The following RB1 variants were observed in gnomAD, a reference collection of about 807,000 sequenced individuals.
RB1 encodes RB transcriptional corepressor 1, also known as retinoblastoma-associated protein.
Under a neutral mutation model 135.4 loss-of-function variants are expected in RB1, and 18 were observed. The ratio of observed to expected loss-of-function variants is 0.13; its 90% CI spans 0.09 to 0.20. RB1 has a LOEUF of 0.20. Among genes scored for constraint, RB1 ranks in the 10% least tolerant of loss-of-function variants. RB1 has a pLI of 1.00. For synonymous variants in RB1, 365 were observed against 373.2 expected, an observed-to-expected ratio of 0.98 and a Z score of 0.25; for missense variants, 868 against 1,110.0, an observed-to-expected ratio of 0.78 and a Z score of 3.10.
chr13:48,331,364 A>G (rs1287036777), intron 2 of RB1, among the ~76,000 whole-genome samples: 1 of 152,220 alleles, frequency 6.6e-6, no homozygotes. Context: ...CTTAATTCCC[A>G]ATATGGTAGT....
At chr13:48,313,989 T>TCGCC (rs1952157510) in intron 2 of RB1, among the ~76,000 whole-genome samples, 1 of 151,730 alleles carries the variant, frequency 6.6e-6, no homozygotes, top group African/African-American at 2.4e-5. Flanking sequence ...GACCTCGTGA[T>TCGCC]CGCCCACCTC....
At chr13:48,403,585 A>T (rs928430304) in intron 17 of RB1, among the ~76,000 whole-genome samples, 2 of 152,170 alleles carry the variant, frequency 1.3e-5, no homozygotes, top group Admixed American at 6.5e-5. Context: ...AGAGTGGGGC[A>T]ATAATCAGGA....
At chr13:48,404,322 T>C (rs951113760) in intron 17 of RB1, 1 of 152,140 alleles carries the variant, frequency 6.6e-6, no homozygotes, top group Non-Finnish European at 1.5e-5. Flanking sequence ...AACAAAGTAT[T>C]GTACTGGTAG....
At chr13:48,473,757 C>T (rs969590717) in intron 24 of RB1, among the ~76,000 whole-genome samples, 1 of 152,064 alleles carries the variant, frequency 6.6e-6, no homozygotes, top group Non-Finnish European at 1.5e-5. Context: ...TGGTGTTCTA[C>T]AATTCAATTC....
chr13:48,404,997 G>T (rs1487937253), intron 17 of RB1, among the ~76,000 whole-genome samples: 2 of 152,086 alleles, frequency 1.3e-5, no homozygotes, highest in Non-Finnish European at 1.5e-5. Flanking sequence ...ATTTGGAAAT[G>T]CAAGGACTCA....
At chr13:48,445,932 AG>A (rs1170454710) in intron 17 of RB1, among the ~76,000 whole-genome samples, 3 of 152,130 alleles carry the variant, frequency 2.0e-5, no homozygotes, top group Non-Finnish European at 4.4e-5. Context: ...TAGAGGATTT[AG>A]AGTATATATA....
chr13:48,359,277 A>G (rs943976574), intron 6 of RB1, among the ~76,000 whole-genome samples: 1 of 151,742 alleles, frequency 6.6e-6, no homozygotes, highest in African/African-American at 2.4e-5. Flanking sequence ...AATAACTTTA[A>G]AGATTTTATG....
rs66565903 is a variant in RB1 at position 48,459,941 on chromosome 13, C to CT, written c.2106+111dup. On this transcript the variant is annotated intron_variant, in intron 20 of 26. Coordinates refer to ENST00000267163, the MANE Select transcript of RB1 (RefSeq NM_000321.3). ...TCTTTCTTTCTTTCTTTCTTTCTTT[C>CT]TTTCTTTCTTTTTCTTTCTTTCTTT... 48,527 of 462,110 alleles carry CT rather than the reference C, an allele frequency of 0.11. 4,402 individuals are homozygous for CT. Among genetic ancestry groups the CT allele is most frequent in the South Asian group, 0.12 (5,065 of 43,290 alleles). 28.6% of individuals were successfully genotyped at this position (462,110 alleles called of 1,614,324 possible). A position where few individuals can be genotyped will look rare whatever the true frequency, so the allele number is the denominator to read the frequency against.
At position 48,303,887 on chromosome 13, in the gene RB1, G is replaced by C. The variant is rs756326110; in HGVS notation, c.-26G>C. ...CCTCCCCGGCGCTCCTCCACAGCTC[G>C]CTGGCTCCCGCCGCGGAAAGGCGTC... is the stretch of plus-strand genomic sequence containing the variant. On this transcript the variant is annotated 5_prime_UTR_variant, in exon 1 of 27. Coordinates refer to ENST00000267163, the MANE Select transcript of RB1 (RefSeq NM_000321.3). 1.1e-5 allele frequency: 16 copies of C among 1,513,474 alleles called. No individual in the cohort carries two copies. The South Asian group carries it at 1.8e-4, about 17-fold the overall frequency. The allele number at this position is 1,513,474 out of a possible 1,614,324, so 93.8% of individuals were successfully genotyped here. A position where few individuals can be genotyped will look rare whatever the true frequency, so the allele number is the denominator to read the frequency against.
At chr13:48,347,943 G>T in intron 5 of RB1, 80 bp downstream of exon 5, 4 of 1,136,250 alleles carry the variant, frequency 3.5e-6, no homozygotes, top group Non-Finnish European at 5.2e-6. Flanking sequence ...TGATAGTTAG[G>T]GTTAGTTTGA....
intron 17 of RB1, among the ~76,000 whole-genome samples, chr13:48,434,026 A>G (rs1037538234): frequency 6.6e-6 from 1 of 152,014 alleles, no homozygotes; most frequent in Non-Finnish European, 1.5e-5. Context: ...GCCTGGCCTC[A>G]ATATTTATTT....
At chr13:48,308,132 T>C (rs1377704854) in intron 2 of RB1, among the ~76,000 whole-genome samples, 1 of 151,718 alleles carries the variant, frequency 6.6e-6, no homozygotes, top group African/African-American at 2.4e-5. Context: ...TAGATGTATA[T>C]GTTTAATAAA....
intron 2 of RB1, chr13:48,317,456 C>T (rs964392616): frequency 2.4e-6 from 1 of 422,382 alleles, no homozygotes; most frequent in African/African-American, 2.1e-5. Context: ...TCCCTTTCAG[C>T]TTCCTGGCTA....
At chr13:48,416,541 T>C in intron 17 of RB1, 1 of 152,778 alleles carries the variant, frequency 6.5e-6, no homozygotes, top group Non-Finnish European at 1.5e-5. Flanking sequence ...GCAGGATTTT[T>C]TCTTTTTCGT....
intron 17 of RB1, chr13:48,411,535 T>G: frequency 6.2e-7 from 1 of 1,613,536 alleles, no homozygotes. Context: ...TTCTGAATTG[T>G]GTCCGATGTA....
chr13:48,380,810 A>G (rs1447550757), intron 16 of RB1, among the ~76,000 whole-genome samples: 1 of 152,182 alleles, frequency 6.6e-6, no homozygotes. Context: ...TAGTAAACAG[A>G]TAAGGAAAAC....
At chr13:48,322,118 A>AT (rs1190390394) in intron 2 of RB1, among the ~76,000 whole-genome samples, 1 of 152,032 alleles carries the variant, frequency 6.6e-6, no homozygotes, top group Non-Finnish European at 1.5e-5. Flanking sequence ...GACACCCCCT[A>AT]TTTTTTAGAT....
chr13:48,320,274 G>A (rs1566179420), intron 2 of RB1: 1 of 1,191,186 alleles, frequency 8.4e-7, no homozygotes, highest in South Asian at 1.3e-5. Flanking sequence ...TCTGTGCAGC[G>A]CGCTCATCGG....
At chr13:48,349,980 A>G (rs1449481644) in intron 6 of RB1, among the ~76,000 whole-genome samples, 1 of 152,166 alleles carries the variant, frequency 6.6e-6, no homozygotes, top group Non-Finnish European at 1.5e-5. Flanking sequence ...TCAATTCAGC[A>G]AGAGGATATA....
Sources: allele counts gnomAD v4.1 joint callset (sites outside exome capture counted in the v4.1 genomes callset), GRCh38; gene constraint gnomAD v4.1.1; transcripts MANE v1.5; gene names NCBI Gene and HGNC (gene_info 2026-07-23, HGNC 2026-07-21).